Variants in AFAP1L1 observed in about 807,000 individuals in gnomAD.
AFAP1L1 encodes the protein actin filament-associated protein 1-like 1.
AFAP1L1 carries 77 observed loss-of-function variants against 99.8 expected under a neutral mutation model. The observed-to-expected ratio is 0.77, with a 90% CI of 0.64 to 0.93. AFAP1L1 has a LOEUF of 0.93. AFAP1L1 is among the 40% of genes least tolerant of loss of function. The pLI is 0.00. For missense variants in AFAP1L1, 893 were observed against 996.8 expected (o/e 0.90, Z 1.40); for synonymous variants, 373 against 395.3 (o/e 0.94, Z 0.67).
intron 1 of AFAP1L1, among the ~76,000 whole-genome samples, chr5:149,292,621 C>A (rs77382120): frequency 0.06 from 9,151 of 152,256 alleles, 535 homozygotes; most frequent in African/African-American, 0.15. Context: ...CTCTGTCTCA[C>A]TTAAAAGATT....
chr5:149,284,562 A>G (rs376735155), intron 1 of AFAP1L1, among the ~76,000 whole-genome samples: 2 of 152,380 alleles, frequency 1.3e-5, no homozygotes, highest in East Asian at 1.9e-4. Flanking sequence ...AATCCAAGTT[A>G]TCTCTGACAC....
Position 149,304,782 on chromosome 5 carries a change from C to T in AFAP1L1, c.437-1524C>T, listed in dbSNP as rs556170734. On this transcript the variant is annotated intron_variant, in intron 5 of 18. Transcript: ENST00000296721. ...AGCGTCTGAGGCCTCAGGGTGCCTG[C>T]TGGAAAGGCGGGCTCCGAGCCTCAC... Among the ~76,000 whole-genome samples, 4 of 152,314 alleles carry T rather than the reference C, an allele frequency of 2.6e-5. No homozygotes were observed. In the South Asian group the frequency reaches 8.3e-4, roughly 32 times the overall value.
intron 1 of AFAP1L1, among the ~76,000 whole-genome samples, chr5:149,275,873 C>CT (rs1755304346): frequency 6.6e-6 from 1 of 152,162 alleles, no homozygotes; most frequent in African/African-American, 2.4e-5. Flanking sequence ...CTCATTTAAC[C>CT]TTAATTACCT....
Position 149,307,443 on chromosome 5 carries a change from G to A in AFAP1L1, c.577G>A (p.Asp193Asn), listed in dbSNP as rs369181906. 8.7e-6 allele frequency: 14 copies of A among 1,614,012 alleles called. No homozygotes were observed. The highest frequency in any genetic ancestry group is 1.3e-5 in the African/African-American group (1 of 74,892). ...DAMSSSYESY[D>N]EEEEEGKSPQ... Reference sequence around the variant, plus strand: ...AATGAGCAGCTCCTATGAGTCCTACGATGAAGAGGAGGAGGAAGGGAAGAG... The same window carrying A: ...AATGAGCAGCTCCTATGAGTCCTACAATGAAGAGGAGGAGGAAGGGAAGAG... Residue 193 changes from aspartate (D) to asparagine (N), a missense_variant, in exon 7 of 19, where the codon GAT (aspartate) becomes AAT (asparagine). By Grantham distance (23) the Asp-to-Asn change is conservative. Coordinates refer to ENST00000296721, the MANE Select transcript of AFAP1L1 (RefSeq NM_152406.4).
chr5:149,290,063 C>T (rs1284637701), intron 1 of AFAP1L1, among the ~76,000 whole-genome samples: 1 of 152,202 alleles, frequency 6.6e-6, no homozygotes, highest in Non-Finnish European at 1.5e-5. Context: ...GAAACACCTT[C>T]TCTACTAAAA....
intron 16 of AFAP1L1, among the ~76,000 whole-genome samples, chr5:149,331,391 T>C (rs535185554): frequency 6.6e-6 from 1 of 152,032 alleles, no homozygotes; most frequent in South Asian, 2.1e-4. Flanking sequence ...GAGGCTGAGG[T>C]GGGCAGATCA....
At position 149,271,905 on chromosome 5, in the gene AFAP1L1, C is replaced by T; in HGVS notation, c.-64C>T. The stretch of plus-strand genomic sequence containing the variant: ...TGGCCTGAGAGCGCAGCGCGCCGGC[C>T]GCTACCAGCCGCGCCGGAGCCCCTG... On this transcript the variant is annotated 5_prime_UTR_variant, in exon 1 of 19. Transcript: ENST00000296721. 1 of 1,184,002 alleles carries T rather than the reference C, an allele frequency of 8.4e-7. No homozygotes were observed. The highest frequency in any genetic ancestry group is 1.1e-6 in the Non-Finnish European group (1 of 951,708). The allele number at this position is 1,184,002 out of a possible 1,614,324, so 73.3% of individuals were successfully genotyped here. A position where few individuals can be genotyped will look rare whatever the true frequency, so the allele number is the denominator to read the frequency against.
intron 1 of AFAP1L1, among the ~76,000 whole-genome samples, chr5:149,284,321 G>A (rs182898550): frequency 1.1e-3 from 175 of 152,316 alleles, no homozygotes; most frequent in African/African-American, 4.1e-3. Flanking sequence ...TGGCCGTGGT[G>A]TCAAGTTGCC....
intron 16 of AFAP1L1, among the ~76,000 whole-genome samples, 197 bp from the exon 17 acceptor site, chr5:149,332,498 A>G (rs899977042): frequency 2.0e-5 from 3 of 152,212 alleles, no homozygotes; most frequent in African/African-American, 7.2e-5. Context: ...TATGAAGAAC[A>G]TAATGAGACC....
At chr5:149,330,392 T>G (rs929119324) in intron 16 of AFAP1L1, among the ~76,000 whole-genome samples, 2 of 152,216 alleles carry the variant, frequency 1.3e-5, no homozygotes, top group African/African-American at 4.8e-5. Context: ...CTTCACATGC[T>G]GGAGGGAGCA....
At chr5:149,322,896 T>A (rs565409908) in intron 15 of AFAP1L1, among the ~76,000 whole-genome samples, 179 bp downstream of exon 15, 4 of 152,204 alleles carry the variant, frequency 2.6e-5, no homozygotes, top group Admixed American at 2.0e-4. Flanking sequence ...GCAGCTAGCA[T>A]GTGGCCTCAG....
chr5:149,311,230 T>G (rs556301674), intron 8 of AFAP1L1, among the ~76,000 whole-genome samples: 34 of 152,284 alleles, frequency 2.2e-4, no homozygotes, highest in African/African-American at 8.2e-4. Flanking sequence ...ATTTGGTGTT[T>G]CTCATTACCC....
chr5:149,320,133 C>T lies in AFAP1L1; in HGVS notation c.1626-258C>T, dbSNP rs139346968. Among the ~76,000 whole-genome samples, 569 of 152,340 alleles carry T rather than the reference C, an allele frequency of 3.7e-3. 5 individuals carry two copies. The highest frequency in any genetic ancestry group is 0.013 in the African/African-American group (538 of 41,580). On this transcript the variant is annotated intron_variant, in intron 13 of 18. Transcript: ENST00000296721. The surrounding 1 kb of genome is among the most constrained non-coding windows in gnomAD (Gnocchi z 4.0). The stretch of plus-strand genomic sequence containing the variant: ...AGCTTGCACTGGTTGCTTGCCATCT[C>T]GGATCTCTGTTTTCTGACTCATAGA...
intron 15 of AFAP1L1, among the ~76,000 whole-genome samples, chr5:149,324,852 T>C (rs1757051180): frequency 6.6e-6 from 1 of 152,220 alleles, no homozygotes; most frequent in African/African-American, 2.4e-5. Context: ...GACAGCTGGC[T>C]TCCCCCAGAG....
intron 1 of AFAP1L1, among the ~76,000 whole-genome samples, chr5:149,289,647 G>A (rs1309789315): frequency 3.9e-5 from 6 of 152,206 alleles, no homozygotes; most frequent in Non-Finnish European, 1.5e-5. Context: ...AAATTCAGAG[G>A]AAGGAAGGGA....
intron 7 of AFAP1L1, among the ~76,000 whole-genome samples, chr5:149,307,893 C>T (rs1756483597): frequency 6.9e-6 from 1 of 144,886 alleles, no homozygotes; most frequent in Non-Finnish European, 1.5e-5. Context: ...CGGTGGCTCA[C>T]ACCTGTAATC....
At chr5:149,294,057 AATG>A (rs1314739772) in intron 1 of AFAP1L1, among the ~76,000 whole-genome samples, 1 of 152,220 alleles carries the variant, frequency 6.6e-6, no homozygotes, top group African/African-American at 2.4e-5. Context: ...GAGGATAACT[AATG>A]ATATTTTTTT....
Position 149,320,332 on chromosome 5 carries a change from A to G in AFAP1L1, c.1626-59A>G, listed in dbSNP as rs945883616. 6.5e-6 allele frequency: 10 copies of G among 1,539,634 alleles called. No individual in the cohort carries two copies. In the South Asian group the frequency reaches 7.8e-5, roughly 12 times the overall value. On this transcript the variant is annotated intron_variant, in intron 13 of 18. Transcript: ENST00000296721. The surrounding 1 kb of genome is among the most constrained non-coding windows in gnomAD (Gnocchi z 4.0). Reference sequence around the variant, plus strand: ...TCAATGAGAGTGAGGACACGAAAGCACTGTAAGCTGCAAAGCATCATTGTC... The same window carrying G: ...TCAATGAGAGTGAGGACACGAAAGCGCTGTAAGCTGCAAAGCATCATTGTC...
chr5:149,307,296 C>T, intron 6 of AFAP1L1, 106 bp from the exon 7 acceptor site: 1 of 1,203,226 alleles, frequency 8.3e-7, no homozygotes, highest in South Asian at 1.3e-5. Flanking sequence ...GCCTAATGCC[C>T]ATGCCTTCCT....
Sources: allele counts gnomAD v4.1 joint callset (sites outside exome capture counted in the v4.1 genomes callset), GRCh38; gene constraint gnomAD v4.1.1; non-coding constraint Gnocchi (gnomAD v3.1); transcripts MANE v1.5; gene names NCBI Gene and HGNC (gene_info 2026-07-23, HGNC 2026-07-21).